Variants in RBM10 observed in about 807,000 individuals in gnomAD.
RBM10 encodes RNA-binding protein 10.
In RBM10, 1 loss-of-function variant was observed where a neutral mutation model predicts 84.9. That is an observed-to-expected ratio of 0.01 (90% CI 0.00 to 0.06). The LOEUF (loss-of-function observed/expected upper bound fraction) is 0.06, where lower values mean the gene tolerates loss of function less well. Among genes scored for constraint, RBM10 ranks in the 10% least tolerant of loss-of-function variants. RBM10 has a pLI of 1.00. For synonymous variants in RBM10, 326 were observed against 344.5 expected (o/e 0.95, Z 0.60); for missense variants, 438 against 839.0 (o/e 0.52, Z 5.90).
At position 47,145,636 on chromosome X, in the gene RBM10, G is replaced by GTT. The variant is rs1160810665; in HGVS notation, c.-126+176_-126+177dup. ...ACCCGGGAGGGTTTTTTTTTTTTTG[G>GTT]TTTTTTTTTTTTTTTTTTTTTTTTT... On this transcript the variant is annotated intron_variant, in intron 1 of 23. Coordinates refer to ENST00000377604, the MANE Select transcript of RBM10 (RefSeq NM_005676.5). 9.3e-3 allele frequency: 633 copies of GTT among 67,922 alleles called. 36 individuals carry two copies. Among genetic ancestry groups the GTT allele is most frequent in the African/African-American group, 0.035 (327 of 9,239 alleles). The allele number at this position is 67,922 out of a possible 1,213,427, so 5.6% of individuals were successfully genotyped here.
intron 2 of RBM10, among the ~76,000 whole-genome samples, chrX:47,164,893 GATGA>G (rs1250498850): frequency 8.9e-6 from 1 of 112,420 alleles, no homozygotes; most frequent in Non-Finnish European, 1.9e-5. Context: ...TGCACGAACA[GATGA>G]ATGAACAAAA....
intron 7 of RBM10, among the ~76,000 whole-genome samples, chrX:47,178,000 G>A (rs976990735): frequency 7.2e-5 from 8 of 110,741 alleles, no homozygotes; most frequent in Non-Finnish European, 1.1e-4. Flanking sequence ...TCACAGAAAC[G>A]CCACCTTCCC....
At chrX:47,162,133 GC>G (rs1285437279) in intron 2 of RBM10, among the ~76,000 whole-genome samples, 1 of 112,587 alleles carries the variant, frequency 8.9e-6, no homozygotes, top group Non-Finnish European at 1.9e-5. Flanking sequence ...GAGCCACTGC[GC>G]CCAGCCTGTC....
intron 2 of RBM10, among the ~76,000 whole-genome samples, chrX:47,164,055 G>A (rs1933974432): frequency 9.3e-6 from 1 of 107,890 alleles, no homozygotes; most frequent in African/African-American, 3.4e-5. Context: ...TTTTTTAGTA[G>A]AGACGGGGTT....
chrX:47,156,990 G>T, intron 2 of RBM10: 1 of 282,543 alleles, frequency 3.5e-6, no homozygotes. Flanking sequence ...GGCTGGGAAG[G>T]CGTTGATGTC....
intron 5 of RBM10, among the ~76,000 whole-genome samples, chrX:47,173,889 A>ATCTCTCCCTCTCTCTCTC (rs1934871745): frequency 2.6e-5 from 1 of 38,596 alleles, no homozygotes; most frequent in Non-Finnish European, 4.3e-5. Flanking sequence ...CCACACCTCC[A>ATCTCTCCCTCTCTCTCTC]TCTCTCTCTC....
At chrX:47,184,301 G>A (rs891777405) in intron 17 of RBM10, among the ~76,000 whole-genome samples, 2 of 70,278 alleles carry the variant, frequency 2.8e-5, no homozygotes, top group East Asian at 5.5e-4. Context: ...AGCTAATTTT[G>A]TATTTTTTTA....
chrX:47,158,341 T>G (rs1158625341), intron 2 of RBM10: 1 of 119,653 alleles, frequency 8.4e-6, no homozygotes, highest in African/African-American at 3.2e-5. Flanking sequence ...TAGGGCCGCG[T>G]GGTGTCACGG....
intron 3 of RBM10, among the ~76,000 whole-genome samples, chrX:47,169,992 G>A (rs1309348867): frequency 8.9e-6 from 1 of 112,881 alleles, no homozygotes; most frequent in East Asian, 2.8e-4. Context: ...GTGCCATGTT[G>A]GGTAGTTCAC....
chrX:47,145,551 C>G lies in RBM10; in HGVS notation c.-126+66C>G, dbSNP rs781999537. ...CCGGGGCGGGGACGTAGAGGAGGCG[C>G]GAGGGCGGACTTCGGGTCGGGGGAG... On this transcript the variant is annotated intron_variant, in intron 1 of 23. Coordinates refer to ENST00000377604, the MANE Select transcript of RBM10 (RefSeq NM_005676.5). 2.2e-4 allele frequency: 214 copies of G among 971,858 alleles called. 4 individuals are homozygous for G. The South Asian group carries it at 4.6e-3, about 21-fold the overall frequency. The allele number at this position is 971,858 out of a possible 1,213,427, so 80.1% of individuals were successfully genotyped here. A position where few individuals can be genotyped will look rare whatever the true frequency, so the allele number is the denominator to read the frequency against.
intron 4 of RBM10, among the ~76,000 whole-genome samples, chrX:47,172,079 A>G (rs1274171021): frequency 8.9e-6 from 1 of 112,309 alleles, no homozygotes; most frequent in Non-Finnish European, 1.9e-5. Context: ...AGGGTGGGCC[A>G]TGTGTTAGGT....
intron 11 of RBM10, 32 bp downstream of exon 11, chrX:47,180,341 T>TGC: frequency 1.8e-6 from 1 of 541,281 alleles, no homozygotes; most frequent in Non-Finnish European, 2.7e-6. Flanking sequence ...CTTCCCACCC[T>TGC]TCCCCTCCCC....
chrX:47,166,455 TC>T (rs1258648356), intron 2 of RBM10, among the ~76,000 whole-genome samples: 1 of 111,014 alleles, frequency 9.0e-6, no homozygotes, highest in Non-Finnish European at 1.9e-5. Flanking sequence ...GTTTTAATTC[TC>T]ATCTTTCTCT....
At chrX:47,184,824 G>A (rs1935787543) in intron 17 of RBM10, among the ~76,000 whole-genome samples, 1 of 111,417 alleles carries the variant, frequency 9.0e-6, no homozygotes, top group African/African-American at 3.3e-5. Context: ...AGGGTTTTAA[G>A]GACATTGTAT....
At chrX:47,176,405 C>T in intron 6 of RBM10, 95 bp from the exon 7 acceptor site, 1 of 1,179,336 alleles carries the variant, frequency 8.5e-7, no homozygotes, top group Non-Finnish European at 1.1e-6. Context: ...CCTCATCCAT[C>T]CAGCTGAAGG....
intron 4 of RBM10, among the ~76,000 whole-genome samples, chrX:47,171,619 A>G (rs186898092): frequency 1.5e-4 from 17 of 112,813 alleles, no homozygotes; most frequent in Middle Eastern, 4.6e-3. Context: ...TGCTGGTAGC[A>G]GAGATGACAC....
chrX:47,158,591 C>T (rs782595787), intron 2 of RBM10, among the ~76,000 whole-genome samples: 2 of 111,807 alleles, frequency 1.8e-5, no homozygotes, highest in South Asian at 3.7e-4. Context: ...TTAGTAGAGA[C>T]GAGGTTTCAC....
intron 17 of RBM10, among the ~76,000 whole-genome samples, chrX:47,183,619 G>T (rs782750307): frequency 9.0e-6 from 1 of 111,294 alleles, no homozygotes; most frequent in Non-Finnish European, 1.9e-5. Flanking sequence ...TTATTTGGCT[G>T]ATGGATGCTC....
chrX:47,156,092 A>C (rs1556765145), intron 2 of RBM10, among the ~76,000 whole-genome samples: 1 of 110,480 alleles, frequency 9.1e-6, no homozygotes, highest in Non-Finnish European at 1.9e-5. Flanking sequence ...TATAGGTGTG[A>C]GCCACCGTGC....
Sources: gnomAD v4.1 joint callset for allele counts (sites outside exome capture counted in the v4.1 genomes callset) on GRCh38, gnomAD v4.1.1 for gene constraint, MANE v1.5 for transcripts, NCBI Gene and HGNC (gene_info 2026-07-23, HGNC 2026-07-21) for gene names.